SMCO2: variants seen among roughly 807,000 people sequenced by gnomAD.
SMCO2 encodes the protein single-pass membrane and coiled-coil domain-containing protein 2.
SMCO2 carries 25 observed loss-of-function variants against 29.5 expected under a neutral mutation model. The ratio of observed to expected loss-of-function variants is 0.85; its 90% CI spans 0.62 to 1.18. The LOEUF (loss-of-function observed/expected upper bound fraction) is 1.18. SMCO2 is among the 50% of genes most tolerant of loss of function. The pLI is 0.00. For synonymous variants in SMCO2, 117 were observed against 123.3 expected, an observed-to-expected ratio of 0.95 and a Z score of 0.34; for missense variants, 348 against 344.5, an observed-to-expected ratio of 1.01 and a Z score of -0.08.
intron 7 of SMCO2, among the ~76,000 whole-genome samples, chr12:27,499,204 G>T (rs1195839508): frequency 6.6e-6 from 1 of 150,726 alleles, no homozygotes; most frequent in Non-Finnish European, 1.5e-5. Context: ...GTTAACTGAT[G>T]AATGGAAAAA....
the SMCO2 span, among the ~76,000 whole-genome samples, chr12:27,454,985 C>A: frequency 1.3e-5 from 2 of 152,174 alleles, no homozygotes; most frequent in Non-Finnish European, 2.9e-5. Context: ...TATCATAATT[C>A]TTTTAATCAA....
At chr12:27,452,785 G>A in the SMCO2 span, among the ~76,000 whole-genome samples, 1 of 152,206 alleles carries the variant, frequency 6.6e-6, no homozygotes, top group Admixed American at 6.5e-5. Flanking sequence ...ACTATGCCTA[G>A]CCAGGTATCT....
At chr12:27,444,218 C>G in the SMCO2 span, among the ~76,000 whole-genome samples, 2 of 152,100 alleles carry the variant, frequency 1.3e-5, no homozygotes. Context: ...TCATCTTTGA[C>G]GAAGGCATCA....
chr12:27,461,238 T>A, the SMCO2 span, among the ~76,000 whole-genome samples: 1 of 152,212 alleles, frequency 6.6e-6, no homozygotes, highest in Admixed American at 6.5e-5. Context: ...GTTGTATTGT[T>A]ATTTTATATT....
the SMCO2 span, among the ~76,000 whole-genome samples, chr12:27,447,349 C>A: frequency 1.3e-5 from 2 of 152,276 alleles, no homozygotes; most frequent in East Asian, 3.9e-4. Flanking sequence ...ACTGGGGAAG[C>A]TGTCACCACC....
chr12:27,453,925 C>T, the SMCO2 span, among the ~76,000 whole-genome samples: 1 of 152,150 alleles, frequency 6.6e-6, no homozygotes, highest in Non-Finnish European at 1.5e-5. Context: ...AGTATAATCT[C>T]ATCATCCAGA....
chr12:27,426,682 A>T, the SMCO2 span, among the ~76,000 whole-genome samples: 2 of 152,326 alleles, frequency 1.3e-5, no homozygotes, highest in East Asian at 1.9e-4. Context: ...TTAGTAAAAA[A>T]TTCCTGAGAC....
rs1429956161 is a variant in SMCO2 at position 27,477,643 on chromosome 12, T to TTC, written c.362+2731_362+2732insCT. Among the ~76,000 whole-genome samples, 4 of 150,850 alleles carry TTC rather than the reference T, an allele frequency of 2.7e-5. No homozygotes were observed. In the East Asian group the frequency reaches 7.7e-4, roughly 29 times the overall value. Reference sequence around the variant, plus strand: ...TTCATTCTTTTTCATTCTTTTTTTTTTTTTTTTGGCTGATTGGGTTATTTC... The same window carrying TTC: ...TTCATTCTTTTTCATTCTTTTTTTTTTCTTTTTTTGGCTGATTGGGTTATTTC... On this transcript the variant is annotated intron_variant, in intron 4 of 7. Transcript: ENST00000298876.
chr12:27,471,331 A>T (rs556023269), intron 2 of SMCO2, among the ~76,000 whole-genome samples: 7 of 152,196 alleles, frequency 4.6e-5, no homozygotes, highest in Admixed American at 3.3e-4. Context: ...AGTTTTTCAT[A>T]TAAGTTTTTT....
the SMCO2 span, among the ~76,000 whole-genome samples, chr12:27,430,508 C>T: frequency 5.9e-5 from 9 of 152,240 alleles, no homozygotes; most frequent in Admixed American, 5.2e-4. Flanking sequence ...GGAGGTTCCA[C>T]TGTGTTAGAA....
chr12:27,472,780 C>A, exon 3 of SMCO2: 1 of 1,550,208 alleles, frequency 6.5e-7, no homozygotes, highest in Non-Finnish European at 8.7e-7. Flanking sequence ...TTGCAGTTTG[C>A]TAAAGGAAAT....
chr12:27,434,172 T>G, the SMCO2 span, among the ~76,000 whole-genome samples: 21 of 152,208 alleles, frequency 1.4e-4, no homozygotes, highest in Non-Finnish European at 2.9e-4. Context: ...CTACAGTGGT[T>G]CCTAATATGT....
chr12:27,474,886 A>C, exon 4 of SMCO2: 1 of 1,551,406 alleles, frequency 6.4e-7, no homozygotes, highest in Non-Finnish European at 8.7e-7. Flanking sequence ...ACATCTCTGC[A>C]GTTTTCAAAG....
chr12:27,441,039 C>T, the SMCO2 span, among the ~76,000 whole-genome samples: 1 of 152,156 alleles, frequency 6.6e-6, no homozygotes, highest in Non-Finnish European at 1.5e-5. Context: ...GGGCAGATCA[C>T]TTGAGCTCAG....
At chr12:27,474,743 C>A (rs424880) in intron 3 of SMCO2, 43 bp from the exon 4 acceptor site, 59 of 1,549,292 alleles carry the variant, frequency 3.8e-5, no homozygotes, top group Non-Finnish European at 5.0e-5. Context: ...ACATCTTGTA[C>A]TAACCTTTTG....
intron 5 of SMCO2, 50 bp downstream of exon 6, chr12:27,488,597 T>G: frequency 7.4e-7 from 1 of 1,356,082 alleles, no homozygotes; most frequent in Non-Finnish European, 1.0e-6. Flanking sequence ...TTCTGTCACT[T>G]CTTTCCCTAC....
chr12:27,436,175 TG>T, the SMCO2 span, among the ~76,000 whole-genome samples: 1 of 152,134 alleles, frequency 6.6e-6, no homozygotes, highest in South Asian at 2.1e-4. Flanking sequence ...ACCTCCCAAA[TG>T]TCCCACCTCC....
the SMCO2 span, among the ~76,000 whole-genome samples, chr12:27,456,486 G>A: frequency 1.3e-5 from 2 of 152,144 alleles, no homozygotes; most frequent in Non-Finnish European, 2.9e-5. Context: ...GTCTTGCTAT[G>A]TTGCCCAGGC....
the SMCO2 span, among the ~76,000 whole-genome samples, chr12:27,442,202 TA>T: frequency 9.2e-5 from 14 of 151,730 alleles, no homozygotes; most frequent in Non-Finnish European, 2.1e-4. Context: ...AAAGATATAA[TA>T]AAAATCAGAG....
Sources: allele counts gnomAD v4.1 joint callset (sites outside exome capture counted in the v4.1 genomes callset), GRCh38; gene constraint gnomAD v4.1.1; transcripts MANE v1.5; gene names NCBI Gene and HGNC (gene_info 2026-07-23, HGNC 2026-07-21).